GRK3: variants seen among roughly 807,000 people sequenced by gnomAD.
GRK3 encodes G protein-coupled receptor kinase 3.
A neutral mutation model predicts 95.7 loss-of-function variants in GRK3; 54 were observed. The ratio of observed to expected loss-of-function variants is 0.56; its 90% CI spans 0.45 to 0.71. GRK3 has a LOEUF of 0.71. Among genes scored for constraint, GRK3 ranks in the 30% least tolerant of loss-of-function variants. GRK3 has a pLI of 0.00. For missense variants in GRK3, 649 were observed against 851.2 expected (o/e 0.76, Z 2.96); for synonymous variants, 281 against 290.8 (o/e 0.97, Z 0.34).
Position 25,672,329 on chromosome 22 carries a change from C to T in GRK3, c.537C>T (p.Asn179=), listed in dbSNP as rs749724802. The change falls in exon 7 of 21, where the codon AAC becomes AAT. Residue 179 remains asparagine, a synonymous_variant. Transcript: ENST00000324198. ...DKFTRFCQWK[N]VELNIHLTMN... ...TCACTAGATTTTGTCAGTGGAAAAACGTTGAATTAAATATCCATGTGAGTA... is the reference window on the plus strand; with the variant it reads ...TCACTAGATTTTGTCAGTGGAAAAATGTTGAATTAAATATCCATGTGAGTA... 2.7e-6 allele frequency: 4 copies of T among 1,477,908 alleles called. No homozygotes were observed. Among genetic ancestry groups the T allele is most frequent in the African/African-American group, 1.4e-5 (1 of 71,868 alleles). The allele number at this position is 1,477,908 out of a possible 1,614,324, so 91.5% of individuals were successfully genotyped here.
intron 3 of GRK3, chr22:25,648,710 G>A (rs559253660): frequency 2.9e-6 from 3 of 1,048,724 alleles, no homozygotes; most frequent in African/African-American, 3.1e-5. Flanking sequence ...AGTATTTGAA[G>A]CTTCCACAAA....
Position 25,713,145 on chromosome 22 carries a change from T to C in GRK3, c.1492-1263T>C, listed in dbSNP as rs528442844. Among the ~76,000 whole-genome samples the C allele has an allele frequency of 3.9e-5, 6 of 152,336 alleles. 1 individual carries two copies. In the South Asian group the frequency reaches 1.2e-3, roughly 32 times the overall value. ...ACAGAGTTGGCCATTTCAGAATAACTGCCTGGGCAAGGAGCATGCTTTGAC... is the reference window on the plus strand; with the variant it reads ...ACAGAGTTGGCCATTTCAGAATAACCGCCTGGGCAAGGAGCATGCTTTGAC... On this transcript the variant is annotated intron_variant, in intron 17 of 20. Coordinates refer to ENST00000324198, the MANE Select transcript of GRK3 (RefSeq NM_005160.4).
intron 13 of GRK3, among the ~76,000 whole-genome samples, chr22:25,701,990 A>AT (rs2085262732): frequency 6.6e-6 from 1 of 151,940 alleles, no homozygotes; most frequent in African/African-American, 2.4e-5. Context: ...GTAATTGTAC[A>AT]TTTTTTCCTT....
Position 25,565,092 on chromosome 22 carries a change from G to A in GRK3, c.52G>A (p.Glu18Lys), listed in dbSNP as rs1931406203. ...CGATGTCAGTTACCTGATGGCCATG[G>A]AGAAGAGCAAGGCGACCCCGGCCGC... is the stretch of plus-strand genomic sequence containing the variant. ...LADVSYLMAM[E>K]KSKATPAARA... is the part of the protein sequence containing the mutation. The change falls in exon 1 of 21, where the codon GAG becomes AAG. Residue 18 changes from glutamate to lysine, a missense_variant. By Grantham distance (56) the Glu-to-Lys change is moderately conservative. Transcript: ENST00000324198. 1.3e-6 allele frequency: 2 copies of A among 1,550,464 alleles called. No homozygotes were observed. Among genetic ancestry groups the A allele is most frequent in the South Asian group, 1.2e-5 (1 of 84,332 alleles).
chr22:25,718,317 G>A lies in GRK3; in HGVS notation c.1727G>A (p.Trp576Ter), dbSNP rs1284052132. ...CTGGGAAACCCATTTCTGACTCAGT[G>A]GCAGCGTCGCTATTTTTACCTCTTT... is the stretch of plus-strand genomic sequence containing the variant. ...LKLGNPFLTQWQRRYFYLFPN... is the reference protein window; with the variant it reads ...LKLGNPFLTQ The change falls in exon 19 of 21, where the codon TGG (tryptophan) becomes TAG (stop). Residue 576 changes from tryptophan to a stop codon, truncating the protein, a stop_gained. Transcript: ENST00000324198. LOFTEE classifies it high-confidence loss of function. 6.2e-7 allele frequency: 1 copy of A among 1,614,100 alleles called. No individual in the cohort carries two copies. The highest frequency in any genetic ancestry group is 8.5e-7 in the Non-Finnish European group (1 of 1,180,008).
chr22:25,655,399 T>C (rs1348764869), intron 3 of GRK3, among the ~76,000 whole-genome samples: 2 of 152,240 alleles, frequency 1.3e-5, no homozygotes, highest in Non-Finnish European at 2.9e-5. Flanking sequence ...CCTAGAATGC[T>C]GCTGCTTCGC....
intron 2 of GRK3, among the ~76,000 whole-genome samples, chr22:25,631,657 C>T (rs780204846): frequency 2.6e-5 from 4 of 152,130 alleles, no homozygotes; most frequent in Non-Finnish European, 4.4e-5. Context: ...TTTTGACCAA[C>T]GCATAAAGTG....
At chr22:25,627,921 T>C (rs2146365046) in intron 2 of GRK3, among the ~76,000 whole-genome samples, 1 of 152,206 alleles carries the variant, frequency 6.6e-6, no homozygotes, top group African/African-American at 2.4e-5. Context: ...ACCTGAGAGG[T>C]GGACATACAG....
chr22:25,588,679 G>C (rs1430963291), intron 1 of GRK3, among the ~76,000 whole-genome samples: 1 of 151,968 alleles, frequency 6.6e-6, no homozygotes, highest in East Asian at 1.9e-4. Flanking sequence ...ACAGAATCTT[G>C]ATATGATTGT....
intron 11 of GRK3, among the ~76,000 whole-genome samples, chr22:25,688,636 C>T (rs1187566232): frequency 6.6e-6 from 1 of 152,228 alleles, no homozygotes; most frequent in East Asian, 1.9e-4. Context: ...TCTGTGAGAG[C>T]TCACTCACCT....
chr22:25,599,628 A>G (rs1158884875), intron 1 of GRK3, among the ~76,000 whole-genome samples: 8 of 151,728 alleles, frequency 5.3e-5, no homozygotes, highest in Non-Finnish European at 7.4e-5. Context: ...AGAAAATCAC[A>G]TATATAATAA....
chr22:25,581,697 T>C (rs1215627100), intron 1 of GRK3, among the ~76,000 whole-genome samples: 1 of 151,864 alleles, frequency 6.6e-6, no homozygotes, highest in East Asian at 1.9e-4. Flanking sequence ...CAGTAAGAGA[T>C]CATACTTTAG....
intron 17 of GRK3, among the ~76,000 whole-genome samples, chr22:25,712,517 T>G (rs919146371): frequency 2.0e-5 from 3 of 152,234 alleles, no homozygotes; most frequent in African/African-American, 7.2e-5. Context: ...AAAACACTAT[T>G]ACGTGGGTGC....
intron 6 of GRK3, among the ~76,000 whole-genome samples, chr22:25,668,154 C>T (rs1378156428): frequency 6.6e-6 from 1 of 152,196 alleles, no homozygotes; most frequent in Non-Finnish European, 1.5e-5. Flanking sequence ...AAACATGTCT[C>T]CCAAAGCAGG....
chr22:25,635,557 T>C (rs557346122), intron 2 of GRK3, among the ~76,000 whole-genome samples: 31 of 152,342 alleles, frequency 2.0e-4, no homozygotes, highest in Middle Eastern at 3.4e-3. Context: ...TAGTCTCCTT[T>C]AATCTGGACT....
intron 2 of GRK3, among the ~76,000 whole-genome samples, chr22:25,625,516 T>TCAAG (rs1348739288): frequency 2.0e-5 from 3 of 152,112 alleles, no homozygotes; most frequent in Non-Finnish European, 4.4e-5. Flanking sequence ...GCGAAAAGTG[T>TCAAG]CAAGGAACAA....
intron 15 of GRK3, among the ~76,000 whole-genome samples, chr22:25,705,904 T>TG (rs761413848): frequency 3.9e-5 from 6 of 152,156 alleles, no homozygotes; most frequent in Non-Finnish European, 8.8e-5. Context: ...AAGCAGTCAA[T>TG]GCAGGTCATG....
intron 1 of GRK3, among the ~76,000 whole-genome samples, chr22:25,565,518 G>C (rs1931443216): frequency 6.6e-6 from 1 of 152,014 alleles, no homozygotes; most frequent in Non-Finnish European, 1.5e-5. Flanking sequence ...TGTTGCATTG[G>C]TGTAGTCCCC....
chr22:25,690,383 AAT>A (rs1160909755), intron 12 of GRK3, 100 bp downstream of exon 12: 1 of 834,380 alleles, frequency 1.2e-6, no homozygotes, highest in African/African-American at 1.7e-5. Flanking sequence ...GGTGATTTTC[AAT>A]ATGTCAGGAA....
Sources: gnomAD v4.1 joint callset for allele counts (sites outside exome capture counted in the v4.1 genomes callset) on GRCh38, gnomAD v4.1.1 for gene constraint, MANE v1.5 for transcripts, NCBI Gene and HGNC (gene_info 2026-07-23, HGNC 2026-07-21) for gene names.